Variants in FAT1 observed in about 807,000 individuals in gnomAD.
The protein encoded by FAT1 is FAT atypical cadherin 1, also known as protocadherin Fat 1.
FAT1 carries 171 observed loss-of-function variants against 329.8 expected under a neutral mutation model. The ratio of observed to expected loss-of-function variants is 0.52; its 90% CI spans 0.46 to 0.59. FAT1 has a LOEUF of 0.59. FAT1 is among the 20% of genes least tolerant of loss of function. The pLI is 0.00. For missense variants in FAT1, 5,672 were observed against 5,774.4 expected (o/e 0.98, Z 0.57); for synonymous variants, 2,233 against 2,228.6 (o/e 1.00, Z -0.06).
At chr4:186,694,699 A>G (rs1743945701) in intron 2 of FAT1, among the ~76,000 whole-genome samples, 1 of 152,194 alleles carries the variant, frequency 6.6e-6, no homozygotes, top group South Asian at 2.1e-4. Flanking sequence ...ACAGTGGTTC[A>G]CACCAGTAAT....
chr4:186,671,657 C>T (rs1742734362), intron 2 of FAT1, among the ~76,000 whole-genome samples: 1 of 151,514 alleles, frequency 6.6e-6, no homozygotes, highest in Admixed American at 6.6e-5. Context: ...CAAGACGTGT[C>T]ATTGCACTGC....
intron 16 of FAT1, among the ~76,000 whole-genome samples, chr4:186,608,540 C>G (rs1384744123): frequency 6.6e-6 from 1 of 152,036 alleles, no homozygotes; most frequent in Non-Finnish European, 1.5e-5. Flanking sequence ...GCCACCACAC[C>G]CGACATTTTT....
chr4:186,683,696 C>T (rs927752609), intron 2 of FAT1, among the ~76,000 whole-genome samples: 2 of 152,064 alleles, frequency 1.3e-5, no homozygotes, highest in African/African-American at 4.8e-5. Flanking sequence ...TTCCCCACAA[C>T]CTCCTCCTAG....
intron 6 of FAT1, among the ~76,000 whole-genome samples, chr4:186,635,613 C>A (rs1326614509): frequency 6.6e-6 from 1 of 152,144 alleles, no homozygotes; most frequent in African/African-American, 2.4e-5. Flanking sequence ...GGCATAGTTA[C>A]TTTAAATGTT....
Position 186,688,114 on chromosome 4 carries a change from GAA to G in FAT1, c.3265+18447_3265+18448del, listed in dbSNP as rs55834504. Among the ~76,000 whole-genome samples, 34 of 55,650 alleles carry G rather than the reference GAA, an allele frequency of 6.1e-4. 1 individual carries two copies. The highest frequency in any genetic ancestry group is 1.4e-3 in the African/African-American group (24 of 17,596). 36.5% of individuals were successfully genotyped at this position (55,650 alleles called of 152,430 possible). On this transcript the variant is annotated intron_variant, in intron 2 of 26. Transcript: ENST00000441802. ...CCAAATGCTATGGAGACTCAAAGCT[GAA>G]AAAAAAAAAAAAAAAAAGCCAACAC...
At chr4:186,591,759 C>G (rs902063603) in intron 26 of FAT1, among the ~76,000 whole-genome samples, 1 of 152,164 alleles carries the variant, frequency 6.6e-6, no homozygotes, top group Non-Finnish European at 1.5e-5. Flanking sequence ...TAACTATAAC[C>G]ATGAACACTG....
chr4:186,619,154 C>A lies in FAT1; in HGVS notation c.7432G>T (p.Val2478Phe), dbSNP rs766252159. 1 of 1,613,932 alleles carries A rather than the reference C, an allele frequency of 6.2e-7. No homozygotes were observed. Among genetic ancestry groups the A allele is most frequent in the South Asian group, 1.1e-5 (1 of 91,080 alleles). ...TTGCCTCCAATTACAGTTACATGAACCTGGGTGGAACTTCTAAAAACTCCA... is the reference window on the plus strand; with the variant it reads ...TTGCCTCCAATTACAGTTACATGAAACTGGGTGGAACTTCTAAAAACTCCA... ...SDGVFRSSTQ[V>F]HVTVIGGNLH... The change falls in exon 10 of 27, where the codon GTT becomes TTT. Residue 2478 changes from valine to phenylalanine, a missense_variant. By Grantham distance (50) the Val-to-Phe change is conservative (BLOSUM62 -1). Around this residue, in one of 2 missense-constraint regions of FAT1, gnomAD observed 3,966 missense variants for 3,915.2 expected, o/e 1.01. Transcript: ENST00000441802.
rs765275544 is a variant in FAT1, at chr4:186,619,035, C to T, written c.7551G>A (p.Thr2517=). ...LHTLVMEVKT[T]DGDSGIYGHV... ...GACCATAAATACCAGAATCCCCATC[C>T]GTAGTTTTCACCTCCATCACCAGGG... Residue 2517 remains threonine (T), a synonymous_variant, in exon 10 of 27, where the codon ACG becomes ACA. Transcript: ENST00000441802. 49 of 1,613,858 alleles carry T rather than the reference C, an allele frequency of 3.0e-5. No individual in the cohort carries two copies. The highest frequency in any genetic ancestry group is 1.3e-4 in the African/African-American group (10 of 74,904).
Position 186,621,639 on chromosome 4 carries a change from T to C in FAT1, c.4947A>G (p.Glu1649=), listed in dbSNP as rs1260782784. The part of the protein sequence containing the change: ...ATDKGSPPMS[E]ITSVRIFVTI... The stretch of plus-strand genomic sequence containing the variant: ...TGACAAAGATACGCACAGAAGTTAT[T>C]TCACTCATTGGTGGACTGCCCTTAT... Residue 1649 remains glutamate, a synonymous_variant, in exon 10 of 27, where the codon GAA becomes GAG. Transcript: ENST00000441802. The C allele has an allele frequency of 6.2e-7, 1 of 1,614,036 alleles. No homozygotes were observed.
At position 186,588,668 on chromosome 4, in the gene FAT1, T is replaced by G. The variant is rs770217697; in HGVS notation, c.13691A>C (p.Tyr4564Ser). 1 of 1,613,980 alleles carries G rather than the reference T, an allele frequency of 6.2e-7. No individual in the cohort carries two copies. Among genetic ancestry groups the G allele is most frequent in the Non-Finnish European group, 8.5e-7 (1 of 1,179,894 alleles). The part of the protein sequence containing the change: ...EVESEVMMSD[Y>S]ESGDDGHFEE... Reference sequence around the variant, plus strand: ...GAAGTGGCCGTCGTCCCCGCTCTCATAGTCACTCATCATGACCTCGGACTC... The same window carrying G: ...GAAGTGGCCGTCGTCCCCGCTCTCAGAGTCACTCATCATGACCTCGGACTC... The change falls in exon 27 of 27, where the codon TAT (tyrosine) becomes TCT (serine). Residue 4564 changes from tyrosine (Y) to serine (S), a missense_variant. Tyr to Ser is a moderately radical substitution (Grantham distance 144, BLOSUM62 -2). Around this residue, in one of 2 missense-constraint regions of FAT1, gnomAD observed 1,706 missense variants for 1,859.1 expected, o/e 0.92. Coordinates refer to ENST00000441802, the MANE Select transcript of FAT1 (RefSeq NM_005245.4).
Position 186,628,171 on chromosome 4 carries a change from A to C in FAT1, c.4793T>G (p.Leu1598Arg), listed in dbSNP as rs1182604985. Residue 1598 changes from leucine (L) to arginine (R), a missense_variant, in exon 9 of 27, where the codon CTG becomes CGG. Leu to Arg is a moderately radical substitution (Grantham distance 102). Coordinates refer to ENST00000441802, the MANE Select transcript of FAT1 (RefSeq NM_005245.4). Reference sequence around the variant, plus strand: ...AAAAGTACCTGACTCGATCGAGTACAGCACTTCAGCATTTTTCCCTTTGTC... The same window carrying C: ...AAAAGTACCTGACTCGATCGAGTACCGCACTTCAGCATTTTTCCCTTTGTC... ...DKDKGKNAEV[L>R]YSIESGNIGN... is the part of the protein sequence containing the mutation. 3 of 1,613,814 alleles carry C rather than the reference A, an allele frequency of 1.9e-6. No homozygotes were observed. The highest frequency in any genetic ancestry group is 2.5e-6 in the Non-Finnish European group (3 of 1,179,858).
rs376490766 is a variant in FAT1 at position 186,723,801 on chromosome 4, T to TCCCGCGCCCTCTC, written c.-169_-157dup. On this transcript the variant is annotated 5_prime_UTR_variant, in exon 1 of 27. Coordinates refer to ENST00000441802, the MANE Select transcript of FAT1 (RefSeq NM_005245.4). The stretch of plus-strand genomic sequence containing the variant: ...GCATGGTACCTGCCGCACGAGCCGC[T>TCCCGCGCCCTCTC]CCCGCGCCCTCTCCCCGCGCCCGGC... The TCCCGCGCCCTCTC allele has an allele frequency of 0.088, 13,222 of 149,542 alleles. 678 individuals are homozygous for TCCCGCGCCCTCTC. The highest frequency in any genetic ancestry group is 0.18 in the Middle Eastern group (52 of 290). The allele number at this position is 149,542 out of a possible 1,614,324, so 9.3% of individuals were successfully genotyped here.
intron 3 of FAT1, among the ~76,000 whole-genome samples, chr4:186,658,458 G>T (rs928381930): frequency 8.5e-5 from 13 of 152,114 alleles, no homozygotes; most frequent in African/African-American, 2.9e-4. Flanking sequence ...GACAAAAGGG[G>T]AAGGAGAAAA....
At chr4:186,680,811 A>G (rs538072771) in intron 2 of FAT1, among the ~76,000 whole-genome samples, 4 of 152,184 alleles carry the variant, frequency 2.6e-5, no homozygotes, top group Admixed American at 6.5e-5. Flanking sequence ...ATCTCAGTCT[A>G]CGTTCGAGAG....
At chr4:186,663,255 A>G in intron 3 of FAT1, 44 bp downstream of exon 3, 1 of 1,425,606 alleles carries the variant, frequency 7.0e-7, no homozygotes, top group Non-Finnish European at 9.7e-7. Context: ...CCCTAACAGA[A>G]AAGCATAAGC....
chr4:186,597,935 T>C, intron 23 of FAT1, 37 bp downstream of exon 23: 5 of 1,585,470 alleles, frequency 3.2e-6, no homozygotes, highest in Non-Finnish European at 4.3e-6. Context: ...AATTTTATAC[T>C]ACAATTGATT....
In FAT1 at chr4:186,626,717, AGAAT is replaced by A. The variant is rs769298722; in HGVS notation, c.4810+1433_4810+1436del. On this transcript the variant is annotated intron_variant, in intron 9 of 26. Transcript: ENST00000441802. Reference sequence around the variant, plus strand: ...CATAAAGTGAGCTTCATCAGCCCACAGAATGAATGAATGAATGAATGAGGGACCA... The same window carrying A: ...CATAAAGTGAGCTTCATCAGCCCACAGAATGAATGAATGAATGAGGGACCA... 3.7e-4 allele frequency among the ~76,000 whole-genome samples: 54 copies of A among 146,866 alleles called. No individual in the cohort carries two copies. The East Asian group carries it at 9.6e-3, about 26-fold the overall frequency.
At chr4:186,638,615 G>GCACACACA (rs35176185) in intron 4 of FAT1, among the ~76,000 whole-genome samples, 199 of 140,036 alleles carry the variant, frequency 1.4e-3, no homozygotes, top group Middle Eastern at 3.8e-3. Context: ...AGTTCCCAAT[G>GCACACACA]CACACACACA....
chr4:186,643,522 C>A (rs895675095), intron 3 of FAT1, among the ~76,000 whole-genome samples: 3 of 151,976 alleles, frequency 2.0e-5, no homozygotes, highest in African/African-American at 4.8e-5. Flanking sequence ...ACCCCCTCTG[C>A]GAAAAATTAC....
Sources: gnomAD v4.1 joint callset for allele counts (sites outside exome capture counted in the v4.1 genomes callset) on GRCh38, gnomAD v4.1.1 for gene constraint, gnomAD v4.1.1 regional missense constraint, MANE v1.5 for transcripts, NCBI Gene and HGNC (gene_info 2026-07-23, HGNC 2026-07-21) for gene names.